Variants in OR4D1 observed in about 807,000 individuals in gnomAD.
The protein encoded by OR4D1 is olfactory receptor family 4 subfamily D member 1, also known as olfactory receptor 4D1.
In OR4D1, 10 loss-of-function variants were observed where a neutral mutation model predicts 14.2. That is an observed-to-expected ratio of 0.71 (90% CI 0.44 to 1.20). OR4D1 has a LOEUF of 1.20. OR4D1 is among the 50% of genes most tolerant of loss of function. The pLI is 0.00. For synonymous variants in OR4D1, 141 were observed against 147.4 expected (o/e 0.96, Z 0.32); for missense variants, 345 against 376.6 (o/e 0.92, Z 0.70).
Position 58,156,064 on chromosome 17 carries a change from G to A in OR4D1, c.911G>A (p.Cys304Tyr). 6.2e-7 allele frequency: 1 copy of A among 1,607,888 alleles called. No individual in the cohort carries two copies. The highest frequency in any genetic ancestry group is 8.5e-7 in the Non-Finnish European group (1 of 1,177,440). Residue 304 changes from cysteine (C) to tyrosine (Y), a missense_variant, in exon 4 of 4, where the codon TGC becomes TAC. Cys to Tyr is a radical substitution (Grantham distance 194). Transcript: ENST00000268912. ...GCAGCCATGAGGAGATTAGGCAAGTGCCTAGTAATTTGCAGGGAGTAAACT... is the reference window on the plus strand; with the variant it reads ...GCAGCCATGAGGAGATTAGGCAAGTACCTAGTAATTTGCAGGGAGTAAACT... Reference protein sequence around the residue: ...MKAAMRRLGKCLVICRE With the variant: ...MKAAMRRLGKYLVICRE
chr17:58,157,276 G>A lies in OR4D1; in HGVS notation c.*1190G>A. 6.7e-7 allele frequency: 1 copy of A among 1,494,484 alleles called. No individual in the cohort carries two copies. The highest frequency in any genetic ancestry group is 1.3e-5 in the South Asian group (1 of 74,172). 92.6% of individuals were successfully genotyped at this position (1,494,484 alleles called of 1,614,324 possible). ...GGCGCTCGGGAAGCGCACAGCCCCG[G>A]GCCGCTGATCAAGCCCTTCGAGACC... is the stretch of plus-strand genomic sequence containing the variant. On this transcript the variant is annotated 3_prime_UTR_variant, in exon 4 of 4. Transcript: ENST00000268912.
rs1230335978 is a variant in OR4D1, at chr17:58,158,794, T to C, written c.*2708T>C. On this transcript the variant is annotated 3_prime_UTR_variant, in exon 4 of 4. Transcript: ENST00000268912. The stretch of plus-strand genomic sequence containing the variant: ...CTGTATGCTAAATATTCTTGAACAA[T>C]TGGTAGATCCAGAAAGAAAAAAAAT... 1 of 152,388 alleles carries C rather than the reference T, an allele frequency of 6.6e-6. No homozygotes were observed. The highest frequency in any genetic ancestry group is 2.4e-5 in the African/African-American group (1 of 41,430). 9.4% of individuals were successfully genotyped at this position (152,388 alleles called of 1,614,324 possible).
chr17:58,150,491 G>A (rs969527276), intron 2 of OR4D1, among the ~76,000 whole-genome samples: 1 of 152,224 alleles, frequency 6.6e-6, no homozygotes, highest in Non-Finnish European at 1.5e-5. Context: ...CAAGGGAGAA[G>A]TCTAGCTGGG....
intron 3 of OR4D1, among the ~76,000 whole-genome samples, chr17:58,154,262 C>T (rs1180597550): frequency 1.6e-5 from 2 of 124,892 alleles, no homozygotes; most frequent in African/African-American, 5.8e-5. Flanking sequence ...ATCCAGCCAA[C>T]CCTCTTTTTT....
chr17:58,155,129 C>T lies in OR4D1; in HGVS notation c.-19-6C>T. On this transcript the variant is annotated splice_region_variant and splice_polypyrimidine_tract_variant and intron_variant, in intron 3 of 3. Coordinates refer to ENST00000268912, the MANE Select transcript of OR4D1 (RefSeq NM_001386095.1). ...TTGTTTGTTTGTTTCAATGGTTTCT[C>T]TGTAGGAACGTGGGGGAAGATCCTA... 6.5e-7 allele frequency: 1 copy of T among 1,531,318 alleles called. No homozygotes were observed. Among genetic ancestry groups the T allele is most frequent in the African/African-American group, 1.4e-5 (1 of 72,488 alleles). The allele number at this position is 1,531,318 out of a possible 1,614,324, so 94.9% of individuals were successfully genotyped here. A position where few individuals can be genotyped will look rare whatever the true frequency, so the allele number is the denominator to read the frequency against.
Position 58,159,157 on chromosome 17 carries a change from A to G in OR4D1, c.*3071A>G, listed in dbSNP as rs574895913. 1 of 152,362 alleles carries G rather than the reference A, an allele frequency of 6.6e-6. No homozygotes were observed. The highest frequency in any genetic ancestry group is 1.9e-4 in the East Asian group (1 of 5,196). 9.4% of individuals were successfully genotyped at this position (152,362 alleles called of 1,614,324 possible). A position where few individuals can be genotyped will look rare whatever the true frequency, so the allele number is the denominator to read the frequency against. ...TTTAGCATTGTCTAAATAGTTCCCC[A>G]AAAGGCATTTGCCCTTTGTTTTTGT... On this transcript the variant is annotated 3_prime_UTR_variant, in exon 4 of 4. Coordinates refer to ENST00000268912, the MANE Select transcript of OR4D1 (RefSeq NM_001386095.1).
rs560032695 is a variant in OR4D1, at chr17:58,155,014, G to T, written c.-19-121G>T. On this transcript the variant is annotated intron_variant, in intron 3 of 3. Coordinates refer to ENST00000268912, the MANE Select transcript of OR4D1 (RefSeq NM_001386095.1). The stretch of plus-strand genomic sequence containing the variant: ...TCCTCCCCGTGGAGGGCTTTCCTAA[G>T]CTACATCTCGGATTGACACTCAACA... 4 of 693,672 alleles carry T rather than the reference G, an allele frequency of 5.8e-6. No homozygotes were observed. In the East Asian group the frequency reaches 7.7e-5, roughly 13 times the overall value. 43.0% of individuals were successfully genotyped at this position (693,672 alleles called of 1,614,324 possible).
Position 58,155,414 on chromosome 17 carries a change from T to C in OR4D1, c.261T>C (p.His87=), listed in dbSNP as rs762841636. ...TSPKMLVDFL[H]ETKTISYQGC... is the part of the protein sequence containing the mutation. ...CAAAGATGCTGGTGGACTTCCTCCATGAGACCAAGACGATCTCCTACCAGG... is the reference window on the plus strand; with the variant it reads ...CAAAGATGCTGGTGGACTTCCTCCACGAGACCAAGACGATCTCCTACCAGG... The change falls in exon 4 of 4, where the codon CAT becomes CAC. Residue 87 remains histidine, a synonymous_variant. Transcript: ENST00000268912. 6.2e-7 allele frequency: 1 copy of C among 1,614,216 alleles called. No homozygotes were observed. The highest frequency in any genetic ancestry group is 2.2e-5 in the East Asian group (1 of 44,886).
chr17:58,157,382 C>T lies in OR4D1; in HGVS notation c.*1296C>T. 1 of 1,276,340 alleles carries T rather than the reference C, an allele frequency of 7.8e-7. No homozygotes were observed. The highest frequency in any genetic ancestry group is 2.4e-5 in the East Asian group (1 of 40,898). 79.1% of individuals were successfully genotyped at this position (1,276,340 alleles called of 1,614,324 possible). A position where few individuals can be genotyped will look rare whatever the true frequency, so the allele number is the denominator to read the frequency against. The stretch of plus-strand genomic sequence containing the variant: ...TGCTGATAATTCGCCGCCGCCAAGA[C>T]ACGTGAGCCCTACCACCTGCACCCT... On this transcript the variant is annotated 3_prime_UTR_variant, in exon 4 of 4. Transcript: ENST00000268912.
intron 2 of OR4D1, among the ~76,000 whole-genome samples, chr17:58,152,244 A>G (rs1967712592): frequency 6.6e-6 from 1 of 152,194 alleles, no homozygotes; most frequent in Non-Finnish European, 1.5e-5. Context: ...ACCTCAGGTG[A>G]TCTGGCCGCC....
Position 58,156,068 on chromosome 17 carries a change from A to G in OR4D1, c.915A>G (p.Leu305=). The change falls in exon 4 of 4, where the codon CTA becomes CTG. Residue 305 remains leucine (L), a synonymous_variant. Transcript: ENST00000268912. ...CCATGAGGAGATTAGGCAAGTGCCT[A>G]GTAATTTGCAGGGAGTAAACTTTAA... ...KAAMRRLGKC[L]VICRE The G allele has an allele frequency of 6.2e-7, 1 of 1,603,302 alleles. No individual in the cohort carries two copies. The highest frequency in any genetic ancestry group is 8.5e-7 in the Non-Finnish European group (1 of 1,175,492).
intron 2 of OR4D1, among the ~76,000 whole-genome samples, chr17:58,150,911 G>A (rs1417413246): frequency 1.3e-5 from 2 of 151,780 alleles, no homozygotes; most frequent in African/African-American, 4.8e-5. Context: ...AAGTTTTTCA[G>A]CTCTTACCTT....
rs984225625 is a variant in OR4D1 at position 58,155,483 on chromosome 17, G to A, written c.330G>A (p.Gly110=). 1.2e-6 allele frequency: 2 copies of A among 1,614,004 alleles called. No homozygotes were observed. The highest frequency in any genetic ancestry group is 2.2e-5 in the East Asian group (1 of 44,896). Residue 110 remains glycine, a synonymous_variant, in exon 4 of 4, where the codon GGG becomes GGA. Transcript: ENST00000268912. ...TCTTCTTCCACCTTTTGGGAGGTGG[G>A]ACTGTCTTTTTTCTCTCAGTCATGG... The part of the protein sequence containing the change: ...QIFFFHLLGG[G]TVFFLSVMAY...
rs1265121310 is a variant in OR4D1, at chr17:58,157,028, G to C, written c.*942G>C. On this transcript the variant is annotated 3_prime_UTR_variant, in exon 4 of 4. Transcript: ENST00000268912. ...GTAGGGCAGGGAAGGCATGGCTTCT[G>C]TTTTCGTCCAATGAGAAGGGGCCAG... 5 of 1,020,618 alleles carry C rather than the reference G, an allele frequency of 4.9e-6. No homozygotes were observed. The Admixed American group carries it at 1.0e-4, about 21-fold the overall frequency. The allele number at this position is 1,020,618 out of a possible 1,614,324, so 63.2% of individuals were successfully genotyped here. A position where few individuals can be genotyped will look rare whatever the true frequency, so the allele number is the denominator to read the frequency against.
chr17:58,157,763 T>A lies in OR4D1; in HGVS notation c.*1677T>A, dbSNP rs1196377996. 2.5e-6 allele frequency: 4 copies of A among 1,612,030 alleles called. No homozygotes were observed. The highest frequency in any genetic ancestry group is 3.4e-6 in the Non-Finnish European group (4 of 1,179,722). ...GCTTCCCATCCCGCCCGTGGGACTC[T>A]ATGCCACGCCAGTGGGATATGGCAT... On this transcript the variant is annotated 3_prime_UTR_variant, in exon 4 of 4. Coordinates refer to ENST00000268912, the MANE Select transcript of OR4D1 (RefSeq NM_001386095.1).
intron 2 of OR4D1, among the ~76,000 whole-genome samples, chr17:58,151,013 T>G (rs1475694067): frequency 6.6e-6 from 1 of 152,180 alleles, no homozygotes; most frequent in Non-Finnish European, 1.5e-5. Flanking sequence ...AAAAAAAATT[T>G]TGTAAAGAAG....
At chr17:58,154,996 C>T in intron 3 of OR4D1, 139 bp from the exon 4 acceptor site, 1 of 629,262 alleles carries the variant, frequency 1.6e-6, no homozygotes, top group Non-Finnish European at 2.8e-6. Flanking sequence ...ACTTCCTCCC[C>T]GTGGAGGGCT....
At position 58,155,622 on chromosome 17, in the gene OR4D1, A is replaced by AT; in HGVS notation, c.471dup (p.Val158CysfsTer19). The AT allele has an allele frequency of 1.9e-6, 3 of 1,613,974 alleles. No homozygotes were observed. Among genetic ancestry groups the AT allele is most frequent in the Non-Finnish European group, 2.5e-6 (3 of 1,179,982 alleles). ...CTGGGTGGGGGGCTTTGTCCACTCC[A>AT]TTGTCCAACTGGCTCTGATACTTCC... On this transcript the variant is annotated frameshift_variant, in exon 4 of 4. Transcript: ENST00000268912. LOFTEE classifies it high-confidence loss of function.
chr17:58,157,319 A>T lies in OR4D1; in HGVS notation c.*1233A>T. ...TCGAGACCGCCTCGGTCAAGTGGGAAAACTCCCTAAGACGGAGCGGCGTGG... is the reference window on the plus strand; with the variant it reads ...TCGAGACCGCCTCGGTCAAGTGGGATAACTCCCTAAGACGGAGCGGCGTGG... On this transcript the variant is annotated 3_prime_UTR_variant, in exon 4 of 4. Transcript: ENST00000268912. 1.3e-6 allele frequency: 2 copies of T among 1,497,512 alleles called. No individual in the cohort carries two copies. The highest frequency in any genetic ancestry group is 9.0e-7 in the Non-Finnish European group (1 of 1,113,394). The allele number at this position is 1,497,512 out of a possible 1,614,324, so 92.8% of individuals were successfully genotyped here. A position where few individuals can be genotyped will look rare whatever the true frequency, so the allele number is the denominator to read the frequency against.
Sources: gnomAD v4.1 joint callset for allele counts (sites outside exome capture counted in the v4.1 genomes callset) on GRCh38, gnomAD v4.1.1 for gene constraint, MANE v1.5 for transcripts, NCBI Gene and HGNC (gene_info 2026-07-23, HGNC 2026-07-21) for gene names.